H6PD: variants seen among roughly 807,000 people sequenced by gnomAD.
The protein encoded by H6PD is GDH/6PGL endoplasmic bifunctional protein.
H6PD carries 48 observed loss-of-function variants against 61.2 expected under a neutral mutation model. That is an observed-to-expected ratio of 0.78 (90% CI 0.62 to 1.00). The LOEUF is 1.00. Ranked by LOEUF, H6PD falls within the 50% of genes least tolerant of loss-of-function variation. The pLI is 0.00. For missense variants in H6PD, 1,093 were observed against 1,065.0 expected (o/e 1.03, Z -0.37); for synonymous variants, 480 against 457.9 (o/e 1.05, Z -0.62).
chr1:9,262,461 A>T (rs1638355621), intron 4 of H6PD, 133 bp downstream of exon 4: 2 of 860,008 alleles, frequency 2.3e-6, no homozygotes, highest in Non-Finnish European at 3.6e-6. Context: ...GGAGGCAAGG[A>T]TGGCATTCCC....
chr1:9,253,228 C>G (rs890905691), intron 3 of H6PD, among the ~76,000 whole-genome samples: 4 of 152,152 alleles, frequency 2.6e-5, no homozygotes, highest in Non-Finnish European at 4.4e-5. Flanking sequence ...AGGCGCACCC[C>G]CTGAAGCTTG....
At chr1:9,236,074 TCTC>T (rs755366588) in intron 1 of H6PD, among the ~76,000 whole-genome samples, 4 of 151,888 alleles carry the variant, frequency 2.6e-5, no homozygotes, top group African/African-American at 7.3e-5. Context: ...ACTGCAACCT[TCTC>T]CTCCTGGTTC....
At chr1:9,256,406 C>A (rs72855978) in intron 3 of H6PD, among the ~76,000 whole-genome samples, 1 of 152,170 alleles carries the variant, frequency 6.6e-6, no homozygotes, top group African/African-American at 2.4e-5. Context: ...TGCCTTCCTA[C>A]GAGTGGCTGC....
intron 1 of H6PD, among the ~76,000 whole-genome samples, chr1:9,236,909 A>G (rs934712538): frequency 2.0e-5 from 3 of 152,180 alleles, no homozygotes; most frequent in Non-Finnish European, 2.9e-5. Flanking sequence ...CCACGTTTCA[A>G]CAAAGCAACT....
chr1:9,264,590 A>G lies in H6PD; in HGVS notation c.2097A>G (p.Thr699=). 6.2e-7 allele frequency: 1 copy of G among 1,613,268 alleles called. No homozygotes were observed. The highest frequency in any genetic ancestry group is 8.5e-7 in the Non-Finnish European group (1 of 1,179,974). ...TGGGCATGGGTGCCGACGGGCACAC[A>G]GCCTCCCTCTTCCCACAGTCACCCA... is the stretch of plus-strand genomic sequence containing the variant. ...VLLGMGADGH[T]ASLFPQSPTG... The change falls in exon 5 of 5, where the codon ACA becomes ACG. Residue 699 remains threonine, a synonymous_variant. Coordinates refer to ENST00000377403, the MANE Select transcript of H6PD (RefSeq NM_004285.4).
chr1:9,244,621 G>A (rs1479313328), intron 1 of H6PD, among the ~76,000 whole-genome samples: 1 of 152,174 alleles, frequency 6.6e-6, no homozygotes, highest in Non-Finnish European at 1.5e-5. Flanking sequence ...CCAGGCCTGC[G>A]GCCCTCCCTG....
chr1:9,247,464 C>T (rs934382109), intron 3 of H6PD, among the ~76,000 whole-genome samples: 1 of 152,182 alleles, frequency 6.6e-6, no homozygotes, highest in Non-Finnish European at 1.5e-5. Context: ...GGCACTCCCC[C>T]TCGCGTCCCC....
At chr1:9,243,242 G>A (rs1210830845) in intron 1 of H6PD, among the ~76,000 whole-genome samples, 1 of 152,048 alleles carries the variant, frequency 6.6e-6, no homozygotes, top group Non-Finnish European at 1.5e-5. Context: ...GAGGCAGATT[G>A]GTGCCCTCTG....
Position 9,245,144 on chromosome 1 carries a change from C to T in H6PD, c.210C>T (p.Pro70=). 6 of 1,614,224 alleles carry T rather than the reference C, an allele frequency of 3.7e-6. No individual in the cohort carries two copies. Among genetic ancestry groups the T allele is most frequent in the Non-Finnish European group, 5.1e-6 (6 of 1,180,034 alleles). Residue 70 remains proline, a synonymous_variant, in exon 2 of 5, where the codon CCC becomes CCT. Coordinates refer to ENST00000377403, the MANE Select transcript of H6PD (RefSeq NM_004285.4). The surrounding 1 kb of genome is among the most constrained non-coding windows in gnomAD (Gnocchi z 4.8). The part of the protein sequence containing the change: ...FSFHGAALTA[P]KQGQELMAKA... ...TCCATGGAGCTGCTCTGACAGCCCC[C>T]AAGCAGGGTCAAGAGCTCATGGCCA...
intron 1 of H6PD, among the ~76,000 whole-genome samples, chr1:9,238,118 G>A (rs995583334): frequency 6.6e-6 from 1 of 152,144 alleles, no homozygotes; most frequent in Non-Finnish European, 1.5e-5. Context: ...TCACTGAGAA[G>A]ATGACATTTT....
rs371828494 is a variant in H6PD at position 9,264,363 on chromosome 1, G to A, written c.1870G>A (p.Val624Ile). Residue 624 changes from valine (V) to isoleucine (I), a missense_variant, in exon 5 of 5, where the codon GTC becomes ATC. Coordinates refer to ENST00000377403, the MANE Select transcript of H6PD (RefSeq NM_004285.4). ...CCTGTGGCTGGTTGACGAGCGCTGCGTCCCACTCTCAGACCCGGAGTCCAA... is the reference window on the plus strand; with the variant it reads ...CCTGTGGCTGGTTGACGAGCGCTGCATCCCACTCTCAGACCCGGAGTCCAA... ...THLWLVDERCVPLSDPESNFQ... is the reference protein window; with the variant it reads ...THLWLVDERCIPLSDPESNFQ... 26 of 1,612,612 alleles carry A rather than the reference G, an allele frequency of 1.6e-5. No individual in the cohort carries two copies. The highest frequency in any genetic ancestry group is 2.2e-5 in the East Asian group (1 of 44,872).
rs905265780 is a variant in H6PD, at chr1:9,267,979, A to G, written c.*3110A>G. ...CACTAAATTGGGCTAGGTGTGGCTC[A>G]TGCCTGTAATCCCAGCACTATGGGA... On this transcript the variant is annotated 3_prime_UTR_variant, in exon 5 of 5. Coordinates refer to ENST00000377403, the MANE Select transcript of H6PD (RefSeq NM_004285.4). 3 of 152,232 alleles carry G rather than the reference A, an allele frequency of 2.0e-5. No individual in the cohort carries two copies. Among genetic ancestry groups the G allele is most frequent in the Non-Finnish European group, 4.4e-5 (3 of 68,060 alleles). 9.4% of individuals were successfully genotyped at this position (152,232 alleles called of 1,614,324 possible). A position where few individuals can be genotyped will look rare whatever the true frequency, so the allele number is the denominator to read the frequency against.
chr1:9,248,032 C>A (rs575982793), intron 3 of H6PD, among the ~76,000 whole-genome samples: 1 of 152,228 alleles, frequency 6.6e-6, no homozygotes, highest in Admixed American at 6.5e-5. Context: ...CAGTAGAAGG[C>A]GGTGGAGCCT....
chr1:9,237,469 A>G (rs918287087), intron 1 of H6PD, among the ~76,000 whole-genome samples: 3 of 151,686 alleles, frequency 2.0e-5, no homozygotes, highest in Admixed American at 6.6e-5. Flanking sequence ...CCGACCTCCA[A>G]TGATCCTCCT....
At chr1:9,263,253 G>A (rs574441860) in intron 4 of H6PD, among the ~76,000 whole-genome samples, 3 of 152,276 alleles carry the variant, frequency 2.0e-5, no homozygotes, top group Non-Finnish European at 2.9e-5. Context: ...CCTTTCCTGG[G>A]GGACCATAAC....
chr1:9,260,426 G>A (rs1472654355), intron 3 of H6PD, among the ~76,000 whole-genome samples: 1 of 151,762 alleles, frequency 6.6e-6, no homozygotes, highest in East Asian at 1.9e-4. Flanking sequence ...TTGTTATGCT[G>A]GTGTTGTTTT....
chr1:9,263,595 T>A lies in H6PD; in HGVS notation c.1102T>A (p.Tyr368Asn), dbSNP rs767745240. The change falls in exon 5 of 5, where the codon TAC (tyrosine) becomes AAC (asparagine). Residue 368 changes from tyrosine to asparagine, a missense_variant. By Grantham distance (143) the Tyr-to-Asn change is moderately radical. Coordinates refer to ENST00000377403, the MANE Select transcript of H6PD (RefSeq NM_004285.4). ...CAAAGCCTTGGACGAGAGAGTGGGCTACGCTCGGATCTTGTTCAAGAACCA... is the reference window on the plus strand; with the variant it reads ...CAAAGCCTTGGACGAGAGAGTGGGCAACGCTCGGATCTTGTTCAAGAACCA... Reference protein sequence around the residue: ...SGKALDERVGYARILFKNQAC... With the variant: ...SGKALDERVGNARILFKNQAC... 4.3e-6 allele frequency: 7 copies of A among 1,614,218 alleles called. No homozygotes were observed. In the South Asian group the frequency reaches 7.7e-5, roughly 18 times the overall value.
intron 4 of H6PD, among the ~76,000 whole-genome samples, chr1:9,262,575 A>G (rs996868052): frequency 6.6e-6 from 1 of 152,218 alleles, no homozygotes; most frequent in Non-Finnish European, 1.5e-5. Flanking sequence ...GCCCCAGTTC[A>G]GTCCCAGATG....
At chr1:9,236,327 A>G (rs535938010) in intron 1 of H6PD, among the ~76,000 whole-genome samples, 1 of 152,324 alleles carries the variant, frequency 6.6e-6, no homozygotes, top group South Asian at 2.1e-4. Context: ...GAAGCTAGCA[A>G]GAAGGACTTC....
Sources: gnomAD v4.1 joint callset for allele counts (sites outside exome capture counted in the v4.1 genomes callset) on GRCh38, gnomAD v4.1.1 for gene constraint, Gnocchi (gnomAD v3.1) non-coding constraint, MANE v1.5 for transcripts, NCBI Gene and HGNC (gene_info 2026-07-23, HGNC 2026-07-21) for gene names.